Variants in ZNF808 observed in about 807,000 individuals in gnomAD.
The protein encoded by ZNF808 is zinc finger protein 808.
In ZNF808, 5 loss-of-function variants were observed where a neutral mutation model predicts 8.7. That is an observed-to-expected ratio of 0.58 (90% confidence interval 0.30 to 1.21). The LOEUF (loss-of-function observed/expected upper bound fraction) is 1.21, where lower values mean the gene tolerates loss of function less well. Ranked by LOEUF, ZNF808 falls within the 50% of genes most tolerant of loss-of-function variation. The pLI, the probability that ZNF808 is intolerant of heterozygous loss-of-function variation, is 0.07. For missense variants in ZNF808, 1,103 were observed against 1,098.4 expected, an observed-to-expected ratio of 1.00 and a Z score of -0.06; for synonymous variants, 380 against 366.0, an observed-to-expected ratio of 1.04 and a Z score of -0.44.
At chr19:52,567,427 CT>C (rs1292921599), downstream of ZNF808, among the ~76,000 whole-genome samples, 28 of 135,516 alleles carry the variant, frequency 2.1e-4, no homozygotes, top group Non-Finnish European at 2.4e-4. Context: ...TTTTTTTTTT[CT>C]TTTTTTTTTT....
At chr19:52,556,572 C>G (rs898775196), downstream of ZNF808, 1 of 152,152 alleles carries the variant, frequency 6.6e-6, no homozygotes, top group Non-Finnish European at 1.5e-5. Flanking sequence ...GATCTGCCCA[C>G]CTTGGCATCC....
chr19:52,567,249 G>T (rs907901557), downstream of ZNF808, among the ~76,000 whole-genome samples: 2 of 151,950 alleles, frequency 1.3e-5, no homozygotes, highest in Admixed American at 1.3e-4. Context: ...AATGCAACCG[G>T]CCAAGGATAG....
In ZNF808 at chr19:52,554,535, A is replaced by T; in HGVS notation, c.1619A>T (p.Lys540Ile). ...CTTCACACTCTAGAGAAATCTTACA[A>T]ATGTACGGTTTGTAACAAGGTTTTC... ...RRLHTLEKSY[K>I]CTVCNKVFMR... is the part of the protein sequence containing the mutation. Residue 540 changes from lysine (K) to isoleucine (I), a missense_variant, in exon 5 of 5, where the codon AAA becomes ATA. By Grantham distance (102) the Lys-to-Ile change is moderately radical. Coordinates refer to ENST00000359798, the MANE Select transcript of ZNF808 (RefSeq NM_001039886.4). The T allele has an allele frequency of 6.2e-7, 1 of 1,614,132 alleles. No homozygotes were observed. Among genetic ancestry groups the T allele is most frequent in the South Asian group, 1.1e-5 (1 of 91,070 alleles).
intron 4 of ZNF808, among the ~76,000 whole-genome samples, chr19:52,548,286 T>C (rs2059742972): frequency 6.6e-6 from 1 of 152,238 alleles, no homozygotes. Context: ...ATGTTCAGTT[T>C]GTTGTAGGAT....
chr19:52,545,998 G>A (rs1281479938), intron 3 of ZNF808, among the ~76,000 whole-genome samples: 2 of 152,100 alleles, frequency 1.3e-5, no homozygotes, highest in African/African-American at 4.8e-5. Flanking sequence ...TGCTTGTGTT[G>A]ACATTTTTAG....
At chr19:52,546,843 C>T (rs2059726059) in intron 3 of ZNF808, among the ~76,000 whole-genome samples, 1 of 151,366 alleles carries the variant, frequency 6.6e-6, no homozygotes, top group African/African-American at 2.4e-5. Flanking sequence ...GTGGTTTCGC[C>T]ATGTTGGCCA....
chr19:52,535,578 G>A lies in ZNF808; in HGVS notation c.-20+2569G>A, dbSNP rs144459602. ...CTCCCTGGCCTGAGCACTCCGTCCC[G>A]CATCCCAGGCGGAGGCCCTAGGGAA... On this transcript the variant is annotated intron_variant, in intron 2 of 4. Transcript: ENST00000359798. 9.4e-4 allele frequency among the ~76,000 whole-genome samples: 143 copies of A among 152,220 alleles called. 2 individuals carry two copies. The East Asian group carries it at 0.023, about 25-fold the overall frequency.
At chr19:52,557,729 T>A (rs1274912168), downstream of ZNF808, among the ~76,000 whole-genome samples, 1 of 152,234 alleles carries the variant, frequency 6.6e-6, no homozygotes, top group Non-Finnish European at 1.5e-5. Context: ...GGAATCAATG[T>A]CATCAGAATC....
At chr19:52,533,545 A>G (rs1170748624) in intron 2 of ZNF808, among the ~76,000 whole-genome samples, 1 of 151,228 alleles carries the variant, frequency 6.6e-6, no homozygotes, top group Admixed American at 6.6e-5. Flanking sequence ...ATTTCTGAAG[A>G]ACTTGGGAGC....
intron 1 of ZNF808, among the ~76,000 whole-genome samples, chr19:52,530,061 G>GC (rs911507515): frequency 2.0e-4 from 30 of 151,012 alleles, no homozygotes; most frequent in Admixed American, 1.1e-3. Flanking sequence ...GGCCTACATA[G>GC]CCCCCCCCTT....
At chr19:52,561,549 A>AT (rs111353368) in intron 3 of ZNF808, among the ~76,000 whole-genome samples, 10,336 of 142,974 alleles carry the variant, frequency 0.072, 365 homozygotes, top group Non-Finnish European at 0.084. Flanking sequence ...TTGCCTCCAG[A>AT]TTTTTTTTTT....
rs190041553 is a variant in ZNF808, at chr19:52,533,712, C to T, written c.-20+703C>T. On this transcript the variant is annotated intron_variant, in intron 2 of 4. Coordinates refer to ENST00000359798, the MANE Select transcript of ZNF808 (RefSeq NM_001039886.4). ...CTACTAAAAATACGAAGAAATTAGC[C>T]GGGCATGGTGGCACATGCCTGTAGT... Among the ~76,000 whole-genome samples the T allele has an allele frequency of 2.5e-4, 38 of 151,284 alleles. 1 individual carries two copies. The South Asian group carries it at 6.7e-3, about 27-fold the overall frequency.
At position 52,555,633 on chromosome 19, in the gene ZNF808, A is replaced by G. The variant is rs1192591943; in HGVS notation, c.*5A>G. On this transcript the variant is annotated 3_prime_UTR_variant, in exon 5 of 5. Transcript: ENST00000359798. ...GGTATAGGGAAATTTGATTAATATAATGATTGTCACAAAGTCTTCAGTAAC... is the reference window on the plus strand; with the variant it reads ...GGTATAGGGAAATTTGATTAATATAGTGATTGTCACAAAGTCTTCAGTAAC... 5 of 1,590,008 alleles carry G rather than the reference A, an allele frequency of 3.1e-6. No individual in the cohort carries two copies. The highest frequency in any genetic ancestry group is 1.2e-5 in the South Asian group (1 of 86,926).
intron 2 of ZNF808, among the ~76,000 whole-genome samples, chr19:52,540,118 T>A (rs1198286132): frequency 6.6e-6 from 1 of 152,052 alleles, no homozygotes; most frequent in East Asian, 1.9e-4. Context: ...GTCAAGCGAT[T>A]TTCCTGCCTC....
chr19:52,558,892 C>G (rs922717070), downstream of ZNF808, among the ~76,000 whole-genome samples: 3 of 152,174 alleles, frequency 2.0e-5, no homozygotes, highest in Non-Finnish European at 4.4e-5. Flanking sequence ...AAGGGCTGTT[C>G]AGGATGTGCT....
At chr19:52,556,727 C>G (rs1312754948), downstream of ZNF808, 1 of 151,728 alleles carries the variant, frequency 6.6e-6, no homozygotes, top group Non-Finnish European at 1.5e-5. Flanking sequence ...CATTGCAACT[C>G]CAGCCTGGGA....
chr19:52,541,019 T>A (rs2059664747), intron 2 of ZNF808, among the ~76,000 whole-genome samples: 1 of 152,160 alleles, frequency 6.6e-6, no homozygotes, highest in Admixed American at 6.5e-5. Flanking sequence ...TGGCATGATC[T>A]CAGCTCACTG....
intron 3 of ZNF808, among the ~76,000 whole-genome samples, chr19:52,545,781 A>G (rs77766100): frequency 3.2e-5 from 3 of 93,044 alleles, no homozygotes; most frequent in East Asian, 2.2e-4. Context: ...CTCCATCTGG[A>G]AAAAAAAAAA....
At chr19:52,532,283 T>G (rs1599949033) in intron 1 of ZNF808, among the ~76,000 whole-genome samples, 1 of 152,028 alleles carries the variant, frequency 6.6e-6, no homozygotes, top group African/African-American at 2.4e-5. Context: ...TGGAGTGCAG[T>G]GGCACAATCT....
Sources: gnomAD v4.1 joint callset for allele counts (sites outside exome capture counted in the v4.1 genomes callset) on GRCh38, gnomAD v4.1.1 for gene constraint, MANE v1.5 for transcripts, NCBI Gene and HGNC (gene_info 2026-07-23, HGNC 2026-07-21) for gene names.